The following SPATA16 variants were observed in gnomAD, a reference collection of about 807,000 sequenced individuals.
The protein encoded by SPATA16 is spermatogenesis-associated protein 16.
Under a neutral mutation model 63.3 loss-of-function variants are expected in SPATA16, and 36 were observed. The ratio of observed to expected loss-of-function variants is 0.57; its 90% CI spans 0.44 to 0.75. The LOEUF (loss-of-function observed/expected upper bound fraction) is 0.75, where lower values mean the gene tolerates loss of function less well. Among genes scored for constraint, SPATA16 ranks in the 30% least tolerant of loss-of-function variants. The pLI, the probability that SPATA16 is intolerant of heterozygous loss-of-function variation, is 0.00. For synonymous variants in SPATA16, 203 were observed against 216.7 expected, an observed-to-expected ratio of 0.94 and a Z score of 0.56; for missense variants, 646 against 679.3, an observed-to-expected ratio of 0.95 and a Z score of 0.54.
intron 1 of SPATA16, among the ~76,000 whole-genome samples, chr3:173,125,662 C>G (rs1276310820): frequency 6.6e-6 from 1 of 152,058 alleles, no homozygotes. Flanking sequence ...AATAAGCCTT[C>G]TCTGATGAAC....
intron 5 of SPATA16, among the ~76,000 whole-genome samples, chr3:172,975,514 C>T (rs980227582): frequency 6.6e-6 from 1 of 151,958 alleles, no homozygotes; most frequent in Non-Finnish European, 1.5e-5. Context: ...ATAAAAAAGT[C>T]CTCTTTGTAT....
chr3:173,057,797 T>C (rs1194912289), intron 2 of SPATA16, among the ~76,000 whole-genome samples: 1 of 152,172 alleles, frequency 6.6e-6, no homozygotes, highest in Non-Finnish European at 1.5e-5. Flanking sequence ...AAACATTACA[T>C]CTATTAAATC....
chr3:173,114,596 T>C (rs1220452499), intron 2 of SPATA16, among the ~76,000 whole-genome samples: 4 of 152,320 alleles, frequency 2.6e-5, no homozygotes, highest in East Asian at 3.9e-4. Context: ...CCAACATTTA[T>C]GTATGAGAGA....
At chr3:172,986,677 G>C (rs578094786) in intron 4 of SPATA16, among the ~76,000 whole-genome samples, 46 of 152,180 alleles carry the variant, frequency 3.0e-4, no homozygotes, top group Non-Finnish European at 4.6e-4. Flanking sequence ...TTGAGCAGGG[G>C]GGGGAATGCA....
At chr3:172,934,566 T>G (rs1732938637) in intron 6 of SPATA16, among the ~76,000 whole-genome samples, 1 of 152,168 alleles carries the variant, frequency 6.6e-6, no homozygotes, top group Admixed American at 6.5e-5. Flanking sequence ...GAGACTTTCT[T>G]TCTTGCTTTT....
At chr3:172,894,317 A>G (rs935173868) in intron 10 of SPATA16, among the ~76,000 whole-genome samples, 1 of 152,168 alleles carries the variant, frequency 6.6e-6, no homozygotes, top group Non-Finnish European at 1.5e-5. Context: ...AGTTGTTTCT[A>G]CTATTCATAA....
intron 2 of SPATA16, among the ~76,000 whole-genome samples, chr3:173,068,663 C>T (rs1460568750): frequency 6.6e-6 from 1 of 151,976 alleles, no homozygotes; most frequent in Admixed American, 6.6e-5. Context: ...ACACAGCTTA[C>T]TAAAACCTAT....
intron 10 of SPATA16, among the ~76,000 whole-genome samples, chr3:172,891,441 A>G (rs1577079245): frequency 1.3e-5 from 2 of 152,194 alleles, no homozygotes; most frequent in African/African-American, 2.4e-5. Context: ...AGCACATACT[A>G]TGTGCGTGCT....
At chr3:173,101,515 T>G (rs142099065) in intron 2 of SPATA16, among the ~76,000 whole-genome samples, 3 of 152,306 alleles carry the variant, frequency 2.0e-5, no homozygotes, top group East Asian at 3.9e-4. Context: ...CATCTATATA[T>G]TCTACTGTTG....
chr3:172,985,599 A>G (rs1422558266), intron 4 of SPATA16, among the ~76,000 whole-genome samples: 1 of 152,226 alleles, frequency 6.6e-6, no homozygotes, highest in Admixed American at 6.5e-5. Flanking sequence ...TAAGTGCTAT[A>G]GAATTTTAAA....
chr3:172,953,022 C>T (rs963410370), intron 6 of SPATA16, among the ~76,000 whole-genome samples: 7 of 151,674 alleles, frequency 4.6e-5, no homozygotes, highest in Admixed American at 4.6e-4. Context: ...AACCTCTATT[C>T]CCAAACTGCT....
At chr3:173,051,925 C>T (rs1736108298) in intron 2 of SPATA16, among the ~76,000 whole-genome samples, 1 of 151,950 alleles carries the variant, frequency 6.6e-6, no homozygotes, top group Admixed American at 6.6e-5. Flanking sequence ...GATTCTCCTG[C>T]CTCAGCCGCC....
intron 2 of SPATA16, among the ~76,000 whole-genome samples, chr3:173,088,525 A>G (rs376935889): frequency 6.6e-6 from 1 of 152,194 alleles, no homozygotes; most frequent in Non-Finnish European, 1.5e-5. Flanking sequence ...GCTGAATTTT[A>G]TACACACTTA....
chr3:172,986,341 C>A (rs992932521), intron 4 of SPATA16, among the ~76,000 whole-genome samples: 3 of 152,134 alleles, frequency 2.0e-5, no homozygotes, highest in African/African-American at 7.2e-5. Context: ...TTGCATATTT[C>A]ATGAGTTTCT....
chr3:173,075,910 G>T (rs77112214), intron 2 of SPATA16, among the ~76,000 whole-genome samples: 4,224 of 152,200 alleles, frequency 0.028, 85 homozygotes, highest in Non-Finnish European at 0.047. Context: ...CAGAATTACT[G>T]AAAGAGTGGA....
intron 6 of SPATA16, among the ~76,000 whole-genome samples, chr3:172,949,434 A>G (rs1369062526): frequency 1.3e-5 from 2 of 152,200 alleles, no homozygotes; most frequent in Non-Finnish European, 2.9e-5. Flanking sequence ...AAGTAAAAAA[A>G]TTTGTAATTC....
At chr3:173,005,050 C>T (rs536283997) in intron 4 of SPATA16, among the ~76,000 whole-genome samples, 5 of 152,232 alleles carry the variant, frequency 3.3e-5, no homozygotes, top group Admixed American at 6.5e-5. Flanking sequence ...AGGCCGGGTG[C>T]GGTGGCTCAC....
chr3:172,931,103 C>T (rs921492236), intron 6 of SPATA16, among the ~76,000 whole-genome samples: 3 of 152,098 alleles, frequency 2.0e-5, no homozygotes, highest in Non-Finnish European at 2.9e-5. Context: ...GGATTACAGG[C>T]GTGAGCCACC....
rs76576730 is a variant in SPATA16, at chr3:172,991,461, G to A, written c.849-14409C>T. On this transcript the variant is annotated intron_variant, in intron 4 of 10. Coordinates refer to ENST00000351008, the MANE Select transcript of SPATA16 (RefSeq NM_031955.6). The stretch of plus-strand genomic sequence containing the variant: ...CCTAAGAGTCTACAGAAAAAAATGC[G>A]TATACATGCACACCTTTTTTCTTCC... Among the ~76,000 whole-genome samples, 1,264 of 152,080 alleles carry A rather than the reference G, an allele frequency of 8.3e-3. 16 individuals are homozygous for A. The highest frequency in any genetic ancestry group is 0.029 in the African/African-American group (1,199 of 41,488).
Sources: gnomAD v4.1 joint callset for allele counts (sites outside exome capture counted in the v4.1 genomes callset) on GRCh38, gnomAD v4.1.1 for gene constraint, MANE v1.5 for transcripts, NCBI Gene and HGNC (gene_info 2026-07-23, HGNC 2026-07-21) for gene names.